GATAD2B: variants seen among roughly 807,000 people sequenced by gnomAD.
GATAD2B encodes the protein transcriptional repressor p66-beta.
A neutral mutation model predicts 64.3 loss-of-function variants in GATAD2B; 8 were observed. The observed-to-expected ratio is 0.12, with a 90% CI of 0.07 to 0.22. The LOEUF is 0.22. Ranked by LOEUF, GATAD2B falls within the 10% of genes least tolerant of loss-of-function variation. The probability of loss-of-function intolerance (pLI) is 1.00; values close to 1 mark genes in which losing one functional copy is unlikely to be tolerated. For synonymous variants in GATAD2B, 281 were observed against 271.3 expected (o/e 1.04, Z -0.35); for missense variants, 453 against 752.0 (o/e 0.60, Z 4.65).
chr1:153,831,440 A>G (rs1190811801), intron 1 of GATAD2B, among the ~76,000 whole-genome samples: 1 of 152,150 alleles, frequency 6.6e-6, no homozygotes, highest in Non-Finnish European at 1.5e-5. Context: ...CCACCATGGC[A>G]CATGTATACC....
intron 1 of GATAD2B, among the ~76,000 whole-genome samples, chr1:153,905,548 T>A (rs1677897749): frequency 7.0e-6 from 1 of 143,146 alleles, no homozygotes; most frequent in African/African-American, 2.6e-5. Flanking sequence ...GCCAAAACAA[T>A]TTTGGAAAAA....
chr1:153,908,790 A>G (rs1367981917), intron 1 of GATAD2B, among the ~76,000 whole-genome samples: 3 of 150,020 alleles, frequency 2.0e-5, no homozygotes, highest in East Asian at 1.9e-4. Flanking sequence ...TGGAAAAAAA[A>G]AAAAAAAAAA....
chr1:153,824,760 A>G (rs60135718), intron 2 of GATAD2B, among the ~76,000 whole-genome samples: 11,475 of 151,528 alleles, frequency 0.076, 639 homozygotes, highest in South Asian at 0.16. Flanking sequence ...GAAAACAGGA[A>G]AAAAAAAAAG....
chr1:153,880,767 C>G (rs1162002818), intron 1 of GATAD2B, among the ~76,000 whole-genome samples: 1 of 151,750 alleles, frequency 6.6e-6, no homozygotes, highest in Admixed American at 6.6e-5. Flanking sequence ...TAGCTTGAAC[C>G]CAGGAGGTCA....
intron 1 of GATAD2B, among the ~76,000 whole-genome samples, chr1:153,901,630 G>A (rs1677776159): frequency 6.6e-6 from 1 of 151,716 alleles, no homozygotes; most frequent in East Asian, 1.9e-4. Flanking sequence ...TTTGAGACCA[G>A]CCTGGCTAAC....
chr1:153,899,244 C>T (rs193193867), intron 1 of GATAD2B, among the ~76,000 whole-genome samples: 73 of 151,756 alleles, frequency 4.8e-4, no homozygotes, highest in African/African-American at 1.6e-3. Context: ...GGCAACATGG[C>T]GAGATCTTGT....
chr1:153,908,588 C>T (rs1394903268), intron 1 of GATAD2B, among the ~76,000 whole-genome samples: 1 of 151,550 alleles, frequency 6.6e-6, no homozygotes, highest in Non-Finnish European at 1.5e-5. Flanking sequence ...CCTGCCTCAG[C>T]CTTCCCAGTA....
At chr1:153,892,770 T>C (rs1426576876) in intron 1 of GATAD2B, among the ~76,000 whole-genome samples, 2 of 151,064 alleles carry the variant, frequency 1.3e-5, no homozygotes, top group Non-Finnish European at 3.0e-5. Flanking sequence ...TCTTGGCTTA[T>C]TGCAACCTCT....
Position 153,816,654 on chromosome 1 carries a change from G to T in GATAD2B, c.901-66C>A. ...AGAAAGGGCCAATTCTTACGTTCTTGGCAGAGGACACTGTCTGATCCTGGT... is the reference window on the plus strand; with the variant it reads ...AGAAAGGGCCAATTCTTACGTTCTTTGCAGAGGACACTGTCTGATCCTGGT... On this transcript the variant is annotated intron_variant, in intron 6 of 10. Coordinates refer to ENST00000368655, the MANE Select transcript of GATAD2B (RefSeq NM_020699.4). The surrounding 1 kb of genome is among the most constrained non-coding windows in gnomAD (Gnocchi z 4.9). 9.6e-7 allele frequency: 1 copy of T among 1,043,622 alleles called. No homozygotes were observed. The highest frequency in any genetic ancestry group is 1.4e-6 in the Non-Finnish European group (1 of 692,822). 64.6% of individuals were successfully genotyped at this position (1,043,622 alleles called of 1,614,324 possible).
intron 1 of GATAD2B, among the ~76,000 whole-genome samples, chr1:153,861,900 A>C (rs867234165): frequency 6.7e-6 from 1 of 148,504 alleles, no homozygotes; most frequent in Non-Finnish European, 1.5e-5. Flanking sequence ...GCATATCACT[A>C]AAGTTTAGAG....
chr1:153,888,302 TTA>T (rs1677246649), intron 1 of GATAD2B, among the ~76,000 whole-genome samples: 1 of 152,132 alleles, frequency 6.6e-6, no homozygotes, highest in African/African-American at 2.4e-5. Flanking sequence ...ATATGGAGCA[TTA>T]TATTAGTATT....
rs376621404 is a variant in GATAD2B at position 153,870,113 on chromosome 1, C to G, written c.-1-41765G>C. On this transcript the variant is annotated intron_variant, in intron 1 of 10. Transcript: ENST00000368655. ...CAAAGGCCTGCCACTATGCCCAGCGCTAATGTTTTGTATTTTTAGTAGAGA... is the reference window on the plus strand; with the variant it reads ...CAAAGGCCTGCCACTATGCCCAGCGGTAATGTTTTGTATTTTTAGTAGAGA... Among the ~76,000 whole-genome samples, 40 of 152,152 alleles carry G rather than the reference C, an allele frequency of 2.6e-4. 1 individual carries two copies. The highest frequency in any genetic ancestry group is 1.4e-3 in the East Asian group (7 of 5,164).
At chr1:153,834,521 T>C (rs1020333682) in intron 1 of GATAD2B, among the ~76,000 whole-genome samples, 19 of 152,126 alleles carry the variant, frequency 1.2e-4, no homozygotes, top group Non-Finnish European at 2.4e-4. Flanking sequence ...CCCGAGTAGC[T>C]GGGATTACAG....
chr1:153,913,507 A>C (rs1678165979), intron 1 of GATAD2B, among the ~76,000 whole-genome samples: 1 of 152,178 alleles, frequency 6.6e-6, no homozygotes, highest in Non-Finnish European at 1.5e-5. Context: ...CAGCTCAGTT[A>C]CAACTATCCT....
At position 153,813,424 on chromosome 1, in the gene GATAD2B, A is replaced by G. The variant is rs1557779123; in HGVS notation, c.1245T>C (p.Val415=). 4 of 1,614,156 alleles carry G rather than the reference A, an allele frequency of 2.5e-6. No individual in the cohort carries two copies. Among genetic ancestry groups the G allele is most frequent in the Non-Finnish European group, 3.4e-6 (4 of 1,179,972 alleles). Residue 415 remains valine (V), a synonymous_variant, in exon 8 of 11, where the codon GTT becomes GTC. Transcript: ENST00000368655. ...QGKSCASLLR[V]EPFVCAQCRT... Reference sequence around the variant, plus strand: ...GGCACTGGGCACATACAAAGGGTTCAACCCGCAGAAGTGAGGCACAGCTTT... The same window carrying G: ...GGCACTGGGCACATACAAAGGGTTCGACCCGCAGAAGTGAGGCACAGCTTT...
chr1:153,922,147 G>C (rs539649462), intron 1 of GATAD2B: 2 of 152,222 alleles, frequency 1.3e-5, no homozygotes, highest in East Asian at 1.9e-4. Context: ...ATGCGCTCCT[G>C]ATCCCTTTCC....
intron 1 of GATAD2B, among the ~76,000 whole-genome samples, chr1:153,914,284 A>G (rs1678200665): frequency 1.3e-5 from 2 of 151,882 alleles, no homozygotes; most frequent in Non-Finnish European, 2.9e-5. Context: ...TTGTGTAAAC[A>G]CATAATGATT....
intron 1 of GATAD2B, among the ~76,000 whole-genome samples, chr1:153,878,902 C>T (rs1570983229): frequency 6.6e-6 from 1 of 151,494 alleles, no homozygotes; most frequent in Non-Finnish European, 1.5e-5. Flanking sequence ...CTCAGGCTCC[C>T]GAGTAGTTGG....
rs573969886 is a variant in GATAD2B, at chr1:153,809,438, G to C, written c.*739C>G. On this transcript the variant is annotated 3_prime_UTR_variant, in exon 11 of 11. Coordinates refer to ENST00000368655, the MANE Select transcript of GATAD2B (RefSeq NM_020699.4). ...TCTTCTATGGGTAAATTCCAGAGTGGTTGAGTTTTAAGCTCCTCCCCAGGC... is the reference window on the plus strand; with the variant it reads ...TCTTCTATGGGTAAATTCCAGAGTGCTTGAGTTTTAAGCTCCTCCCCAGGC... 89 of 152,524 alleles carry C rather than the reference G, an allele frequency of 5.8e-4. No individual in the cohort carries two copies. The highest frequency in any genetic ancestry group is 9.7e-4 in the Non-Finnish European group (66 of 68,012). The allele number at this position is 152,524 out of a possible 1,614,324, so 9.4% of individuals were successfully genotyped here. A position where few individuals can be genotyped will look rare whatever the true frequency, so the allele number is the denominator to read the frequency against.
Sources: gnomAD v4.1 joint callset for allele counts (sites outside exome capture counted in the v4.1 genomes callset) on GRCh38, gnomAD v4.1.1 for gene constraint, Gnocchi (gnomAD v3.1) non-coding constraint, MANE v1.5 for transcripts, NCBI Gene and HGNC (gene_info 2026-07-23, HGNC 2026-07-21) for gene names.